The following GTF2A2 variants were observed in gnomAD, a reference collection of about 807,000 sequenced individuals.
The protein encoded by GTF2A2 is transcription initiation factor IIA subunit 2.
In GTF2A2, 9 loss-of-function variants were observed where a neutral mutation model predicts 14.3. That is an observed-to-expected ratio of 0.63 (90% CI 0.38 to 1.10). GTF2A2 has a LOEUF of 1.10. GTF2A2 is among the 50% of genes least tolerant of loss of function. The pLI, the probability that GTF2A2 is intolerant of heterozygous loss-of-function variation, is 0.01. For missense variants in GTF2A2, 90 were observed against 124.6 expected, an observed-to-expected ratio of 0.72 and a Z score of 1.32; for synonymous variants, 56 against 46.0, an observed-to-expected ratio of 1.22 and a Z score of -0.88.
intron 1 of GTF2A2, 24 bp downstream of exon 1, chr15:59,657,382 A>C (rs1351546129): frequency 1.3e-5 from 2 of 152,190 alleles, no homozygotes; most frequent in Admixed American, 1.3e-4. Context: ...TCCCTCCCTA[A>C]CCCTGCCCTC....
At chr15:59,644,581 T>C (rs771271002) in intron 3 of GTF2A2, among the ~76,000 whole-genome samples, 12 of 152,192 alleles carry the variant, frequency 7.9e-5, no homozygotes, top group Non-Finnish European at 1.8e-4. Flanking sequence ...GGTAAATACG[T>C]AGTATAACAG....
rs78537573 is a variant in GTF2A2, at chr15:59,650,955, C to T, written c.73-182G>A. 3.5e-3 allele frequency among the ~76,000 whole-genome samples: 529 copies of T among 152,300 alleles called. 7 individuals carry two copies. Among genetic ancestry groups the T allele is most frequent in the African/African-American group, 0.012 (504 of 41,562 alleles). On this transcript the variant is annotated intron_variant, in intron 2 of 4. Transcript: ENST00000396060. ...ACCAAGCTTGAAGACATCTTTTGTA[C>T]TATCTTGACACAAACAATCTTGAAG...
At chr15:59,652,563 T>G (rs755755195) in intron 1 of GTF2A2, among the ~76,000 whole-genome samples, 9 of 152,204 alleles carry the variant, frequency 5.9e-5, no homozygotes, top group Non-Finnish European at 1.2e-4. Context: ...GCTGTTATAT[T>G]TATTAAAATG....
Position 59,639,039 on chromosome 15 carries a change from G to A in GTF2A2, c.*93C>T. 2 of 781,368 alleles carry A rather than the reference G, an allele frequency of 2.6e-6. No individual in the cohort carries two copies. The highest frequency in any genetic ancestry group is 2.3e-6 in the Non-Finnish European group (1 of 440,106). 48.4% of individuals were successfully genotyped at this position (781,368 alleles called of 1,614,324 possible). A position where few individuals can be genotyped will look rare whatever the true frequency, so the allele number is the denominator to read the frequency against. On this transcript the variant is annotated 3_prime_UTR_variant, in exon 5 of 5. Coordinates refer to ENST00000396060, the MANE Select transcript of GTF2A2 (RefSeq NM_004492.3). ...GGTATAGCACAGTGTAGTCATTTCT[G>A]CAATTCTAGAATAAATAAAAAGTCT...
chr15:59,646,821 G>GT (rs1566929867), intron 3 of GTF2A2, among the ~76,000 whole-genome samples: 1 of 151,958 alleles, frequency 6.6e-6, no homozygotes, highest in East Asian at 1.9e-4. Context: ...AAAGGTAAAC[G>GT]TAAGAAATAA....
At position 59,650,765 on chromosome 15, in the gene GTF2A2, C is replaced by T. The variant is rs761499851; in HGVS notation, c.81G>A (p.Gln27=). The stretch of plus-strand genomic sequence containing the variant: ...CTTGAAGGGCAAGTTGGGGGGTGAT[C>T]TGTTGAGACTGAGAAAAGGTAAAGG... ...ESLDELIQSQ[Q]ITPQLALQVL... The change falls in exon 3 of 5, where the codon CAG becomes CAA. Residue 27 remains glutamine (Q), a synonymous_variant. Coordinates refer to ENST00000396060, the MANE Select transcript of GTF2A2 (RefSeq NM_004492.3). 7.0e-6 allele frequency: 11 copies of T among 1,578,208 alleles called. No individual in the cohort carries two copies. The highest frequency in any genetic ancestry group is 9.6e-6 in the Non-Finnish European group (11 of 1,148,186).
intron 1 of GTF2A2, among the ~76,000 whole-genome samples, chr15:59,655,025 G>C (rs1228431798): frequency 6.6e-6 from 1 of 152,062 alleles, no homozygotes; most frequent in Non-Finnish European, 1.5e-5. Context: ...CACTATAGTT[G>C]AACTCTATAC....
chr15:59,655,107 T>C (rs143462862), intron 1 of GTF2A2, among the ~76,000 whole-genome samples: 265 of 152,344 alleles, frequency 1.7e-3, no homozygotes, highest in African/African-American at 6.1e-3. Context: ...AAGGATATTG[T>C]TCTGACAATT....
chr15:59,642,353 A>ACAT, intron 3 of GTF2A2, 91 bp from the exon 4 acceptor site: 1 of 1,139,512 alleles, frequency 8.8e-7, no homozygotes, highest in South Asian at 1.9e-5. Context: ...GCTACCAAGA[A>ACAT]CATAATAAGT....
intron 3 of GTF2A2, among the ~76,000 whole-genome samples, chr15:59,644,669 G>C (rs1255412247): frequency 6.6e-6 from 1 of 152,226 alleles, no homozygotes; most frequent in African/African-American, 2.4e-5. Flanking sequence ...ACAAGGCAGA[G>C]AGCTTCTCTC....
intron 3 of GTF2A2, among the ~76,000 whole-genome samples, chr15:59,650,119 A>G (rs1176436186): frequency 3.9e-5 from 6 of 152,220 alleles, no homozygotes. Flanking sequence ...ATTGAGAGAG[A>G]TAATTTTATT....
At chr15:59,652,431 C>T (rs535139879) in intron 1 of GTF2A2, 105 bp from the exon 2 acceptor site, 75 of 559,844 alleles carry the variant, frequency 1.3e-4, no homozygotes, top group Admixed American at 9.8e-4. Context: ...ACTAGGAGAA[C>T]GCTTAGTGGT....
chr15:59,640,527 ATTGAG>A (rs375090133), intron 4 of GTF2A2, among the ~76,000 whole-genome samples: 91 of 152,320 alleles, frequency 6.0e-4, no homozygotes, highest in South Asian at 1.7e-3. Flanking sequence ...AAATTAAAAC[ATTGAG>A]TTAAGTTCCT....
At chr15:59,650,859 T>C (rs1891769727) in intron 2 of GTF2A2, 86 bp from the exon 3 acceptor site, 2 of 742,912 alleles carry the variant, frequency 2.7e-6, no homozygotes, top group African/African-American at 1.8e-5. Context: ...TCATCTAAAA[T>C]TTAACTGAGG....
chr15:59,639,937 G>C (rs531660557), intron 4 of GTF2A2, among the ~76,000 whole-genome samples: 2 of 152,080 alleles, frequency 1.3e-5, no homozygotes, highest in African/African-American at 4.8e-5. Flanking sequence ...TTTTAGTAGA[G>C]ATGGAGTTTC....
At chr15:59,639,977 CTGGCCTCAAGTGATCTACCCAACT>C in intron 4 of GTF2A2, 1 of 152,280 alleles carries the variant, frequency 6.6e-6, no homozygotes, top group Non-Finnish European at 1.5e-5. Context: ...TCTCAAACTC[CTGGCCTCAAGTGATCTACCCAACT>C]TGGCCTCCCA....
chr15:59,643,098 G>GAGAC (rs1891486232), intron 3 of GTF2A2, among the ~76,000 whole-genome samples: 3 of 36,154 alleles, frequency 8.3e-5, no homozygotes, highest in East Asian at 1.2e-3. Context: ...TTTTTTTTTT[G>GAGAC]AGACAGAGTC....
rs767431596 is a variant in GTF2A2 at position 59,639,123 on chromosome 15, T to TTTTTCTATTCATTC, written c.325_*8dup. On this transcript the variant is annotated 3_prime_UTR_variant, in exon 5 of 5. Transcript: ENST00000396060. ...AGAAGATGGTGTAAAAAAGTCATAT[T>TTTTTCTATTCATTC]TTTTCTATTCATTCTGTAGTATTGG... 3 of 1,425,018 alleles carry TTTTTCTATTCATTC rather than the reference T, an allele frequency of 2.1e-6. No individual in the cohort carries two copies. Among genetic ancestry groups the TTTTTCTATTCATTC allele is most frequent in the Admixed American group, 1.7e-5 (1 of 59,496 alleles). 88.3% of individuals were successfully genotyped at this position (1,425,018 alleles called of 1,614,324 possible).
chr15:59,638,151 G>C lies in GTF2A2; in HGVS notation c.*981C>G, dbSNP rs1129616. 0.35 allele frequency: 53,246 copies of C among 151,960 alleles called. 9,681 individuals are homozygous for C. The highest frequency in any genetic ancestry group is 0.39 in the African/African-American group (15,973 of 41,408). The allele number at this position is 151,960 out of a possible 1,614,324, so 9.4% of individuals were successfully genotyped here. On this transcript the variant is annotated 3_prime_UTR_variant, in exon 5 of 5. Transcript: ENST00000396060. Reference sequence around the variant, plus strand: ...ACTCCTGGACTCAAGTAATCCTCCAGTCTCAGCCTCCTAAAGTACTGGGAT... The same window carrying C: ...ACTCCTGGACTCAAGTAATCCTCCACTCTCAGCCTCCTAAAGTACTGGGAT...
Sources: gnomAD v4.1 joint callset for allele counts (sites outside exome capture counted in the v4.1 genomes callset) on GRCh38, gnomAD v4.1.1 for gene constraint, MANE v1.5 for transcripts, NCBI Gene and HGNC (gene_info 2026-07-23, HGNC 2026-07-21) for gene names.